The following RNF38 variants were observed in gnomAD, a reference collection of about 807,000 sequenced individuals.
RNF38 encodes the protein E3 ubiquitin-protein ligase RNF38.
Under a neutral mutation model 67.2 loss-of-function variants are expected in RNF38, and 15 were observed. That is an observed-to-expected ratio of 0.22 (90% CI 0.15 to 0.34). The LOEUF is 0.34. RNF38 is among the 10% of genes least tolerant of loss of function. The probability of loss-of-function intolerance (pLI) is 1.00; values close to 1 mark genes in which losing one functional copy is unlikely to be tolerated. For missense variants in RNF38, 524 were observed against 639.9 expected (o/e 0.82, Z 1.95); for synonymous variants, 220 against 218.8 (o/e 1.01, Z -0.05).
intron 2 of RNF38, among the ~76,000 whole-genome samples, chr9:36,422,398 C>T (rs1229663059): frequency 2.0e-5 from 3 of 150,782 alleles, no homozygotes; most frequent in African/African-American, 4.9e-5. Flanking sequence ...GCCTGAGCAA[C>T]GAAGGGAGAC....
chr9:36,357,744 A>G (rs1834236151), intron 5 of RNF38, 31 bp downstream of exon 5: 8 of 1,593,334 alleles, frequency 5.0e-6, no homozygotes, highest in South Asian at 3.3e-5. Context: ...CTTAATAGTA[A>G]TATCTAATGA....
chr9:36,413,340 C>T (rs952832242), intron 2 of RNF38, among the ~76,000 whole-genome samples: 3 of 152,206 alleles, frequency 2.0e-5, no homozygotes, highest in Non-Finnish European at 2.9e-5. Flanking sequence ...CACCAGAAAC[C>T]GATGCGGCAC....
chr9:36,423,649 A>C (rs1838684453), intron 2 of RNF38, among the ~76,000 whole-genome samples: 1 of 151,690 alleles, frequency 6.6e-6, no homozygotes, highest in African/African-American at 2.4e-5. Flanking sequence ...AAGCGTACTG[A>C]TGAGTATTGA....
intron 1 of RNF38, among the ~76,000 whole-genome samples, chr9:36,468,389 G>A (rs571282484): frequency 1.3e-5 from 2 of 152,308 alleles, no homozygotes; most frequent in African/African-American, 4.8e-5. Flanking sequence ...CTCCTTCTCT[G>A]GCCCTTCAAT....
Position 36,339,759 on chromosome 9 carries a change from G to A in RNF38, c.1541C>T (p.Ser514Leu), listed in dbSNP as rs763571220. 2.5e-6 allele frequency: 4 copies of A among 1,612,862 alleles called. No individual in the cohort carries two copies. Among genetic ancestry groups the A allele is most frequent in the Non-Finnish European group, 3.4e-6 (4 of 1,179,198 alleles). Residue 514 changes from serine to leucine, a missense_variant, in exon 12 of 12, where the codon TCA becomes TTA. Transcript: ENST00000259605. The part of the protein sequence containing the change: ...RADASEVHRD[S>L]E ...TTGTGCTTCTTAGGTTGGTCATTCT[G>A]AATCCCGATGCACTTCTGAAGCATC...
At chr9:36,348,425 T>C (rs1045844226) in intron 9 of RNF38, among the ~76,000 whole-genome samples, 1 of 150,890 alleles carries the variant, frequency 6.6e-6, no homozygotes, top group Non-Finnish European at 1.5e-5. Context: ...CTGAGCGGAG[T>C]TCGTGGCAAT....
At chr9:36,425,525 C>G (rs749730211) in intron 1 of RNF38, among the ~76,000 whole-genome samples, 1 of 152,098 alleles carries the variant, frequency 6.6e-6, no homozygotes, top group Non-Finnish European at 1.5e-5. Context: ...GAAACCCTGT[C>G]TCTACTAAAA....
chr9:36,482,912 G>A (rs1840310589), intron 1 of RNF38, among the ~76,000 whole-genome samples: 1 of 152,202 alleles, frequency 6.6e-6, no homozygotes, highest in Non-Finnish European at 1.5e-5. Flanking sequence ...AGCAGTGCTA[G>A]ATCACAGATC....
At position 36,483,386 on chromosome 9, in the gene RNF38, C is replaced by CA. The variant is rs950956465; in HGVS notation, n.241+3921dup. Among the ~76,000 whole-genome samples, 14 of 141,348 alleles carry CA rather than the reference C, an allele frequency of 9.9e-5. No homozygotes were observed. The East Asian group carries it at 1.2e-3, about 12-fold the overall frequency. 92.7% of individuals were successfully genotyped at this position (141,348 alleles called of 152,430 possible). On this transcript the variant is annotated intron_variant and non_coding_transcript_variant, in intron 1 of 3. Coordinates refer to the RNF38 transcript ENST00000488058. ...GGGCAACAAGAGCGAAACTCTGTCT[C>CA]AAAAAAAAAGAAAAGCGTACCTGGG...
At chr9:36,455,887 G>A (rs1202745861) in intron 1 of RNF38, among the ~76,000 whole-genome samples, 1 of 148,634 alleles carries the variant, frequency 6.7e-6, no homozygotes. Flanking sequence ...CTTCACCCTG[G>A]GTGACAGAGC....
chr9:36,436,365 G>A (rs1483789513), intron 1 of RNF38, among the ~76,000 whole-genome samples: 1 of 152,148 alleles, frequency 6.6e-6, no homozygotes, highest in Non-Finnish European at 1.5e-5. Context: ...TTTAGAAAGA[G>A]CTTAGCCATT....
intron 4 of RNF38, among the ~76,000 whole-genome samples, chr9:36,358,775 C>T (rs775773696): frequency 1.3e-5 from 2 of 152,046 alleles, no homozygotes; most frequent in African/African-American, 2.4e-5. Flanking sequence ...TTTGGGAGGC[C>T]GAGGTGGGCA....
At chr9:36,399,858 T>C (rs1053960246) in intron 1 of RNF38, among the ~76,000 whole-genome samples, 1 of 152,144 alleles carries the variant, frequency 6.6e-6, no homozygotes, top group African/African-American at 2.4e-5. Context: ...ACACTCGCAA[T>C]CAAGGCCAAA....
chr9:36,458,134 T>C (rs1270352179), intron 1 of RNF38, among the ~76,000 whole-genome samples: 4 of 152,164 alleles, frequency 2.6e-5, no homozygotes, highest in Non-Finnish European at 4.4e-5. Context: ...AGCCTCAATA[T>C]AGTAGTAATG....
intron 1 of RNF38, among the ~76,000 whole-genome samples, chr9:36,465,894 CA>C: frequency 6.6e-6 from 1 of 151,432 alleles, no homozygotes; most frequent in East Asian, 2.0e-4. Context: ...ACTAAAAATA[CA>C]AAAAAAATTA....
chr9:36,373,366 A>G (rs1835535434), intron 3 of RNF38, among the ~76,000 whole-genome samples: 1 of 152,224 alleles, frequency 6.6e-6, no homozygotes, highest in African/African-American at 2.4e-5. Flanking sequence ...ATAAACAGTC[A>G]AAGAAAAATA....
intron 1 of RNF38, among the ~76,000 whole-genome samples, chr9:36,445,367 T>C (rs1353243172): frequency 6.6e-6 from 1 of 152,208 alleles, no homozygotes; most frequent in Admixed American, 6.5e-5. Context: ...TTTTGAGACA[T>C]ATGATTTCAT....
chr9:36,351,269 C>G (rs1187405065), intron 8 of RNF38, 70 bp from the exon 9 acceptor site: 1 of 1,018,826 alleles, frequency 9.8e-7, no homozygotes, highest in Non-Finnish European at 1.5e-6. Flanking sequence ...ACAGGGAGGA[C>G]AGAGGCCAGT....
At chr9:36,348,288 T>G (rs1833445604) in intron 9 of RNF38, among the ~76,000 whole-genome samples, 5 of 151,482 alleles carry the variant, frequency 3.3e-5, no homozygotes, top group Admixed American at 3.3e-4. Flanking sequence ...TGGCAAAACC[T>G]TATCTCTGAA....
Sources: gnomAD v4.1 joint callset for allele counts (sites outside exome capture counted in the v4.1 genomes callset) on GRCh38, gnomAD v4.1.1 for gene constraint, MANE v1.5 for transcripts, NCBI Gene and HGNC (gene_info 2026-07-23, HGNC 2026-07-21) for gene names.